The following MYMK variants were observed in gnomAD, a reference collection of about 807,000 sequenced individuals.
MYMK encodes the protein myomaker, myoblast fusion factor.
MYMK carries 16 observed loss-of-function variants against 22.4 expected under a neutral mutation model. The observed-to-expected ratio is 0.72, with a 90% CI of 0.48 to 1.09. The LOEUF is 1.09. Ranked by LOEUF, MYMK falls within the 50% of genes least tolerant of loss-of-function variation. MYMK has a pLI of 0.00. For synonymous variants in MYMK, 125 were observed against 127.0 expected, an observed-to-expected ratio of 0.98 and a Z score of 0.11; for missense variants, 250 against 295.6, an observed-to-expected ratio of 0.85 and a Z score of 1.13.
At position 133,524,770 on chromosome 9, in the gene MYMK, C is replaced by A; in HGVS notation, c.75G>T (p.Ala25=). The change falls in exon 1 of 5, where the codon GCG becomes GCT. Residue 25 remains alanine (A), a synonymous_variant. Coordinates refer to ENST00000339996, the MANE Select transcript of MYMK (RefSeq NM_001080483.3). ...CCTCCATGTGGAACCGCCTCTTGGCCGCGATGCTGACAGTGGGGAGGAAGG... is the reference window on the plus strand; with the variant it reads ...CCTCCATGTGGAACCGCCTCTTGGCAGCGATGCTGACAGTGGGGAGGAAGG... ...SLAFLPTVSI[A]AKRRFHMEAM... The A allele has an allele frequency of 6.2e-7, 1 of 1,614,142 alleles. No individual in the cohort carries two copies. The highest frequency in any genetic ancestry group is 8.5e-7 in the Non-Finnish European group (1 of 1,180,028).
chr9:133,521,943 C>T (rs970857390), intron 1 of MYMK, among the ~76,000 whole-genome samples: 2 of 152,254 alleles, frequency 1.3e-5, no homozygotes, highest in African/African-American at 4.8e-5. Context: ...ATGGCTCTGT[C>T]TGGTCCCAGT....
In MYMK at chr9:133,515,823, G is replaced by A. The variant is rs539946143; in HGVS notation, c.400-216C>T. Among the ~76,000 whole-genome samples, 2 of 152,302 alleles carry A rather than the reference G, an allele frequency of 1.3e-5. No individual in the cohort carries two copies. The highest frequency in any genetic ancestry group is 2.4e-5 in the African/African-American group (1 of 41,568). On this transcript the variant is annotated intron_variant, in intron 3 of 4. Transcript: ENST00000339996. The surrounding 1 kb of genome is among the most constrained non-coding windows in gnomAD (Gnocchi z 5.8). Reference sequence around the variant, plus strand: ...ACCCAGCAGAGACCCCAGCCTGGATGGCTGGGAAGGAAGCCACTGGGCCAT... The same window carrying A: ...ACCCAGCAGAGACCCCAGCCTGGATAGCTGGGAAGGAAGCCACTGGGCCAT...
Position 133,518,892 on chromosome 9 carries a change from GA to G in MYMK, c.380del (p.Leu127ProfsTer11), listed in dbSNP as rs1844663976. 6.2e-7 allele frequency: 1 copy of G among 1,613,038 alleles called. No homozygotes were observed. The highest frequency in any genetic ancestry group is 1.3e-5 in the African/African-American group (1 of 74,912). On this transcript the variant is annotated frameshift_variant, in exon 3 of 5. Transcript: ENST00000339996. LOFTEE classifies it high-confidence loss of function. ...TACGCACCCACTTTGCCGCGATGAT[GA>G]GGATGGCTGTGCCGATGGGGCCCGA... ...VYSGPIGTAI[L>X]IIAAKWLQKM...
chr9:133,520,081 G>A, intron 2 of MYMK, 93 bp downstream of exon 2: 3 of 906,050 alleles, frequency 3.3e-6, no homozygotes, highest in Non-Finnish European at 5.4e-6. Context: ...TGGGGATAGA[G>A]GGCTGCAGCG....
In MYMK at chr9:133,524,810, G is replaced by C; in HGVS notation, c.35C>G (p.Thr12Ser). The change falls in exon 1 of 5, where the codon ACC (threonine) becomes AGC (serine). Residue 12 changes from threonine (T) to serine (S), a missense_variant. Transcript: ENST00000339996. ...GTLVAKLLLP[T>S]LSSLAFLPTV... ...GGGGAGGAAGGCCAGGCTGCTGAGGGTGGGCAGGAGCAGCTTGGCCACCAG... is the reference window on the plus strand; with the variant it reads ...GGGGAGGAAGGCCAGGCTGCTGAGGCTGGGCAGGAGCAGCTTGGCCACCAG... 2 of 1,613,630 alleles carry C rather than the reference G, an allele frequency of 1.2e-6. No homozygotes were observed. Among genetic ancestry groups the C allele is most frequent in the South Asian group, 2.2e-5 (2 of 91,044 alleles).
chr9:133,518,863 G>C lies in MYMK; in HGVS notation c.399+11C>G, dbSNP rs73661425. 4 of 1,608,312 alleles carry C rather than the reference G, an allele frequency of 2.5e-6. No homozygotes were observed. In the Admixed American group the frequency reaches 5.0e-5, roughly 20 times the overall value. On this transcript the variant is annotated intron_variant, in intron 3 of 4. Transcript: ENST00000339996. ...TGGGTCCCCGTTCATCGAGGCTCGC[G>C]CAGTACGCACCCACTTTGCCGCGAT... is the stretch of plus-strand genomic sequence containing the variant.
In MYMK at chr9:133,524,704, A is replaced by T. The variant is rs752621552; in HGVS notation, c.135+6T>A. 1 of 1,613,944 alleles carries T rather than the reference A, an allele frequency of 6.2e-7. No individual in the cohort carries two copies. Among genetic ancestry groups the T allele is most frequent in the East Asian group, 2.2e-5 (1 of 44,874 alleles). ...TGTGGGACTTCCTCCCAGCCCCCAG[A>T]CTCACCGCCACGAAGAACAGGGTGA... On this transcript the variant is annotated splice_donor_region_variant and intron_variant, in intron 1 of 4. Coordinates refer to ENST00000339996, the MANE Select transcript of MYMK (RefSeq NM_001080483.3).
chr9:133,522,826 A>G (rs1844716703), intron 1 of MYMK, among the ~76,000 whole-genome samples: 1 of 152,222 alleles, frequency 6.6e-6, no homozygotes. Flanking sequence ...CAGAGGAGCG[A>G]ATGCAGTGGC....
intron 2 of MYMK, 23 bp downstream of exon 2, chr9:133,520,151 G>A: frequency 6.3e-7 from 1 of 1,594,856 alleles, no homozygotes; most frequent in Non-Finnish European, 8.6e-7. Flanking sequence ...CGCAAGGCTT[G>A]TCTGCAGGGG....
In MYMK at chr9:133,518,964, G is replaced by A; in HGVS notation, c.309C>T (p.Thr103=). Residue 103 remains threonine, a synonymous_variant, in exon 3 of 5, where the codon ACC becomes ACT. Coordinates refer to ENST00000339996, the MANE Select transcript of MYMK (RefSeq NM_001080483.3). ...RSTFVMFGVL[T]IAVRIYHDRW... ...GGTCATGGTAGATCCGCACAGCAAT[G>A]GTCAGGACGCCGAACATCACAAATG... 1 of 1,613,998 alleles carries A rather than the reference G, an allele frequency of 6.2e-7. No homozygotes were observed. Among genetic ancestry groups the A allele is most frequent in the Non-Finnish European group, 8.5e-7 (1 of 1,180,016 alleles).
At chr9:133,520,332 G>A (rs760089302) in intron 1 of MYMK, 44 bp from the exon 2 acceptor site, 1 of 1,522,020 alleles carries the variant, frequency 6.6e-7, no homozygotes, top group Non-Finnish European at 9.1e-7. Flanking sequence ...AGAGGCCAGA[G>A]CTGGTCCCCG....
intron 1 of MYMK, among the ~76,000 whole-genome samples, chr9:133,523,173 G>A (rs545305741): frequency 4.6e-4 from 70 of 152,340 alleles, no homozygotes; most frequent in African/African-American, 1.6e-3. Context: ...CTGCCATTGC[G>A]GGCAAAATTG....
intron 3 of MYMK, among the ~76,000 whole-genome samples, chr9:133,516,794 C>G (rs1844635464): frequency 6.6e-6 from 1 of 152,156 alleles, no homozygotes; most frequent in South Asian, 2.1e-4. Flanking sequence ...CCAGGTCACA[C>G]AGTGGGCCTG....
intron 1 of MYMK, 97 bp downstream of exon 1, chr9:133,524,613 G>T: frequency 6.4e-7 from 1 of 1,574,000 alleles, no homozygotes. Flanking sequence ...AATCACTTCT[G>T]CTCATCACCC....
Position 133,522,981 on chromosome 9 carries a change from C to T in MYMK, c.135+1729G>A, listed in dbSNP as rs145525060. Among the ~76,000 whole-genome samples the T allele has an allele frequency of 3.7e-3, 562 of 152,318 alleles. 6 individuals are homozygous for T. The highest frequency in any genetic ancestry group is 0.012 in the African/African-American group (516 of 41,574). On this transcript the variant is annotated intron_variant, in intron 1 of 4. Coordinates refer to ENST00000339996, the MANE Select transcript of MYMK (RefSeq NM_001080483.3). ...GAAGGTGAAAAGGCTGAATCAGACACTGTGCACAGAGCGCCTAGCCGAGTC... is the reference window on the plus strand; with the variant it reads ...GAAGGTGAAAAGGCTGAATCAGACATTGTGCACAGAGCGCCTAGCCGAGTC...
At chr9:133,523,357 G>A (rs116856166) in intron 1 of MYMK, among the ~76,000 whole-genome samples, 1,941 of 152,300 alleles carry the variant, frequency 0.013, 33 homozygotes, top group Non-Finnish European at 0.02. Context: ...GAGAGGAGGT[G>A]GAGTTTTCAC....
intron 2 of MYMK, 73 bp from the exon 3 acceptor site, chr9:133,519,095 C>A (rs1429334119): frequency 1.3e-6 from 2 of 1,587,102 alleles, no homozygotes; most frequent in Non-Finnish European, 1.7e-6. Flanking sequence ...CCCCACCCCC[C>A]AGCCCCCAGG....
chr9:133,516,133 A>C (rs969464080), intron 3 of MYMK, among the ~76,000 whole-genome samples: 1 of 152,242 alleles, frequency 6.6e-6, no homozygotes, highest in African/African-American at 2.4e-5. Context: ...CTCAGGTCCC[A>C]GTGCTTAGGA....
intron 2 of MYMK, 79 bp from the exon 3 acceptor site, chr9:133,519,101 C>T: frequency 6.4e-7 from 1 of 1,570,788 alleles, no homozygotes; most frequent in South Asian, 1.1e-5. Context: ...CCCCCAGCCC[C>T]CAGGAGGCAT....
Sources: gnomAD v4.1 joint callset for allele counts (sites outside exome capture counted in the v4.1 genomes callset) on GRCh38, gnomAD v4.1.1 for gene constraint, Gnocchi (gnomAD v3.1) non-coding constraint, MANE v1.5 for transcripts, NCBI Gene and HGNC (gene_info 2026-07-23, HGNC 2026-07-21) for gene names.